The following CENPH variants were observed in gnomAD, a reference collection of about 807,000 sequenced individuals.
CENPH encodes CENP-H.
Under a neutral mutation model 42.9 loss-of-function variants are expected in CENPH, and 40 were observed. The observed-to-expected ratio is 0.93, with a 90% CI of 0.72 to 1.21. The LOEUF (loss-of-function observed/expected upper bound fraction) is 1.21, where lower values mean the gene tolerates loss of function less well. Ranked by LOEUF, CENPH falls within the 50% of genes most tolerant of loss-of-function variation. The probability of loss-of-function intolerance (pLI) is 0.00; values close to 1 mark genes in which losing one functional copy is unlikely to be tolerated. For missense variants in CENPH, 302 were observed against 292.9 expected, an observed-to-expected ratio of 1.03 and a Z score of -0.23; for synonymous variants, 88 against 96.5, an observed-to-expected ratio of 0.91 and a Z score of 0.52.
chr5:69,205,343 T>C (rs906865656), intron 7 of CENPH, among the ~76,000 whole-genome samples: 12 of 152,276 alleles, frequency 7.9e-5, no homozygotes, highest in Admixed American at 3.9e-4. Flanking sequence ...TTCTTCTGCG[T>C]CAGCCTCTCG....
chr5:69,197,911 ATC>A lies in CENPH; in HGVS notation c.371+804_371+805del, dbSNP rs1467753484. Among the ~76,000 whole-genome samples, 191 of 111,614 alleles carry A rather than the reference ATC, an allele frequency of 1.7e-3. 7 individuals are homozygous for A. The highest frequency in any genetic ancestry group is 3.8e-3 in the Admixed American group (37 of 9,670). The allele number at this position is 111,614 out of a possible 152,430, so 73.2% of individuals were successfully genotyped here. A position where few individuals can be genotyped will look rare whatever the true frequency, so the allele number is the denominator to read the frequency against. On this transcript the variant is annotated intron_variant, in intron 5 of 8. Transcript: ENST00000283006. ...TCTGGCCTCAGAGGTCTTACCTATG[ATC>A]TTTTTTTTTTTTTTTTTTTTTTTTT...
chr5:69,198,519 C>T (rs1348920301), intron 5 of CENPH, among the ~76,000 whole-genome samples: 2 of 152,112 alleles, frequency 1.3e-5, no homozygotes, highest in African/African-American at 4.8e-5. Context: ...GACCTAGGCA[C>T]TTCTATCTTG....
chr5:69,198,205 C>T (rs1747997612), intron 5 of CENPH, among the ~76,000 whole-genome samples: 1 of 151,984 alleles, frequency 6.6e-6, no homozygotes, highest in Non-Finnish European at 1.5e-5. Flanking sequence ...CAGGTGTGAG[C>T]CACCGCACCC....
chr5:69,195,978 G>A (rs1309910603), intron 4 of CENPH, among the ~76,000 whole-genome samples, 187 bp downstream of exon 4: 2 of 152,070 alleles, frequency 1.3e-5, no homozygotes, highest in African/African-American at 4.8e-5. Flanking sequence ...TCTCACTCTT[G>A]CCCACGCTGG....
At position 69,194,689 on chromosome 5, in the gene CENPH, T is replaced by C; in HGVS notation, c.233T>C (p.Ile78Thr). Residue 78 changes from isoleucine to threonine, a missense_variant, in exon 3 of 9, where the codon ATC becomes ACC. Coordinates refer to ENST00000283006, the MANE Select transcript of CENPH (RefSeq NM_022909.4). Reference sequence around the variant, plus strand: ...GAACAAATTATGCAAGAAAAGCAAATCGAAGCGTATGTTATATTTAAAAAT... The same window carrying C: ...GAACAAATTATGCAAGAAAAGCAAACCGAAGCGTATGTTATATTTAAAAAT... ...TPEQIMQEKQ[I>T]EAKIEDLENE... 6.3e-7 allele frequency: 1 copy of C among 1,576,974 alleles called. No homozygotes were observed. Among genetic ancestry groups the C allele is most frequent in the South Asian group, 1.2e-5 (1 of 86,344 alleles).
At chr5:69,207,554 T>C (rs1338186426) in intron 7 of CENPH, among the ~76,000 whole-genome samples, 1 of 150,572 alleles carries the variant, frequency 6.6e-6, no homozygotes, top group Non-Finnish European at 1.5e-5. Flanking sequence ...ACGCCTGTAA[T>C]CTCAGCACTT....
At chr5:69,198,623 T>G (rs1748006641) in intron 5 of CENPH, among the ~76,000 whole-genome samples, 1 of 152,110 alleles carries the variant, frequency 6.6e-6, no homozygotes, top group African/African-American at 2.4e-5. Flanking sequence ...CACTCATAAC[T>G]TTTTCTCTCC....
At chr5:69,197,144 TG>T in intron 5 of CENPH, 35 bp downstream of exon 5, 2 of 1,365,108 alleles carry the variant, frequency 1.5e-6, no homozygotes, top group Middle Eastern at 1.8e-4. Flanking sequence ...TCGGTAAGGA[TG>T]GGATCTGCAT....
chr5:69,194,472 A>G (rs1040525309), intron 2 of CENPH, among the ~76,000 whole-genome samples, 175 bp from the exon 3 acceptor site: 2 of 152,196 alleles, frequency 1.3e-5, no homozygotes, highest in African/African-American at 4.8e-5. Flanking sequence ...TTGAAATAAT[A>G]TTTTTGATCT....
In CENPH at chr5:69,189,584, T is replaced by G; in HGVS notation, c.-51T>G. ...CCATTTAGTGGCGGGAAAAGCGACC[T>G]TTTCTGAGCGCGTTTGCCTGTTGAG... On this transcript the variant is annotated 5_prime_UTR_variant, in exon 1 of 9. Transcript: ENST00000283006. The G allele has an allele frequency of 6.6e-7, 1 of 1,504,250 alleles. No individual in the cohort carries two copies. Among genetic ancestry groups the G allele is most frequent in the Non-Finnish European group, 8.9e-7 (1 of 1,128,938 alleles). 93.2% of individuals were successfully genotyped at this position (1,504,250 alleles called of 1,614,324 possible).
intron 7 of CENPH, among the ~76,000 whole-genome samples, chr5:69,205,268 T>C (rs921815719): frequency 2.0e-5 from 3 of 149,246 alleles, no homozygotes; most frequent in Non-Finnish European, 4.5e-5. Flanking sequence ...CGCTCTGTTG[T>C]CCAAGCTGGA....
intron 1 of CENPH, among the ~76,000 whole-genome samples, chr5:69,190,115 C>T (rs750986691): frequency 6.6e-6 from 1 of 152,118 alleles, no homozygotes; most frequent in Non-Finnish European, 1.5e-5. Flanking sequence ...AAGGAAGGTG[C>T]CCCTACCATT....
At chr5:69,209,277 G>T (rs1342126298) in intron 8 of CENPH, among the ~76,000 whole-genome samples, 1 of 151,974 alleles carries the variant, frequency 6.6e-6, no homozygotes, top group Non-Finnish European at 1.5e-5. Flanking sequence ...AATCCCAGCA[G>T]TTTGGGAGGC....
At chr5:69,193,627 AAAAG>A (rs915081720) in intron 2 of CENPH, among the ~76,000 whole-genome samples, 20 of 152,112 alleles carry the variant, frequency 1.3e-4, no homozygotes, top group African/African-American at 4.6e-4. Context: ...CTCCCCCAAA[AAAAG>A]ATACAGAACA....
intron 7 of CENPH, among the ~76,000 whole-genome samples, chr5:69,206,032 T>G (rs2112095280): frequency 6.6e-6 from 1 of 151,800 alleles, no homozygotes; most frequent in East Asian, 2.0e-4. Context: ...ATTTCTTAAA[T>G]TTATTTTTCT....
intron 7 of CENPH, among the ~76,000 whole-genome samples, chr5:69,206,398 C>T (rs1402708482): frequency 6.6e-6 from 1 of 150,636 alleles, no homozygotes; most frequent in Non-Finnish European, 1.5e-5. Flanking sequence ...TCCGGCTGGT[C>T]TCGAACTCCC....
At chr5:69,191,596 C>T (rs777911567) in intron 1 of CENPH, among the ~76,000 whole-genome samples, 199 bp from the exon 2 acceptor site, 7 of 152,130 alleles carry the variant, frequency 4.6e-5, no homozygotes, top group Non-Finnish European at 8.8e-5. Context: ...TTTGTGTCTT[C>T]CTCTGAGGCC....
chr5:69,194,497 G>T, intron 2 of CENPH, 150 bp from the exon 3 acceptor site: 3 of 520,626 alleles, frequency 5.8e-6, no homozygotes, highest in Non-Finnish European at 6.9e-6. Context: ...GGTTAAATAA[G>T]TATATTAAAA....
chr5:69,191,897 G>GT (rs776054015), intron 2 of CENPH, 47 bp downstream of exon 2: 23 of 1,143,520 alleles, frequency 2.0e-5, no homozygotes, highest in Non-Finnish European at 2.8e-5. Flanking sequence ...TTGTTTGTTT[G>GT]TTTTTTTGAG....
Sources: gnomAD v4.1 joint callset for allele counts (sites outside exome capture counted in the v4.1 genomes callset) on GRCh38, gnomAD v4.1.1 for gene constraint, MANE v1.5 for transcripts, NCBI Gene and HGNC (gene_info 2026-07-23, HGNC 2026-07-21) for gene names.